The following CDH18 variants were observed in gnomAD, a reference collection of about 807,000 sequenced individuals.
CDH18 encodes cadherin-18.
In CDH18, 31 loss-of-function variants were observed where a neutral mutation model predicts 67.9. The observed-to-expected ratio is 0.46, with a 90% CI of 0.34 to 0.62. The LOEUF (loss-of-function observed/expected upper bound fraction) is 0.62. Ranked by LOEUF, CDH18 falls within the 20% of genes least tolerant of loss-of-function variation. The probability of loss-of-function intolerance (pLI) is 0.01; values close to 1 mark genes in which losing one functional copy is unlikely to be tolerated. For synonymous variants in CDH18, 362 were observed against 347.2 expected, an observed-to-expected ratio of 1.04 and a Z score of -0.48; for missense variants, 890 against 975.5, an observed-to-expected ratio of 0.91 and a Z score of 1.17.
At chr5:19,518,978 T>A (rs942296254) in intron 10 of CDH18, among the ~76,000 whole-genome samples, 25 of 152,330 alleles carry the variant, frequency 1.6e-4, no homozygotes, top group African/African-American at 6.0e-4. Context: ...TTCAGGCAAT[T>A]ACAAGACAGC....
chr5:19,612,066 G>A (rs939487911), intron 6 of CDH18, among the ~76,000 whole-genome samples: 1 of 150,766 alleles, frequency 6.6e-6, no homozygotes, highest in Non-Finnish European at 1.5e-5. Context: ...AGAATGTATG[G>A]AATAATGTTG....
intron 5 of CDH18, among the ~76,000 whole-genome samples, chr5:19,652,130 T>C (rs1264309156): frequency 6.6e-6 from 1 of 151,998 alleles, no homozygotes; most frequent in Non-Finnish European, 1.5e-5. Flanking sequence ...CTTAAATTTT[T>C]TTCTTTTTAA....
chr5:19,966,139 G>T (rs1400038354), intron 2 of CDH18, among the ~76,000 whole-genome samples: 1 of 152,086 alleles, frequency 6.6e-6, no homozygotes, highest in Non-Finnish European at 1.5e-5. Flanking sequence ...TGAAAGAAAG[G>T]CAACAGAAAG....
intron 2 of CDH18, among the ~76,000 whole-genome samples, chr5:19,998,930 C>G (rs776643664): frequency 1.3e-5 from 2 of 151,608 alleles, no homozygotes; most frequent in Non-Finnish European, 2.9e-5. Flanking sequence ...GAAAAAAATA[C>G]AGAACAAGGT....
intron 9 of CDH18, among the ~76,000 whole-genome samples, chr5:19,523,829 G>A (rs1193431902): frequency 6.6e-6 from 1 of 151,926 alleles, no homozygotes; most frequent in Non-Finnish European, 1.5e-5. Context: ...ACAATTAATG[G>A]CAACAACGAC....
intron 5 of CDH18, among the ~76,000 whole-genome samples, chr5:19,617,939 T>A (rs1296561013): frequency 6.6e-6 from 1 of 152,170 alleles, no homozygotes; most frequent in African/African-American, 2.4e-5. Context: ...ACTAATAATA[T>A]TCATATAGCA....
intron 2 of CDH18, among the ~76,000 whole-genome samples, chr5:20,035,663 T>C (rs1456973459): frequency 6.6e-6 from 1 of 151,994 alleles, no homozygotes; most frequent in Non-Finnish European, 1.5e-5. Context: ...TCCCACTGGG[T>C]CCATCCCTTG....
intron 1 of CDH18, among the ~76,000 whole-genome samples, chr5:20,517,404 G>T (rs1755444739): frequency 6.6e-6 from 1 of 151,456 alleles, no homozygotes; most frequent in African/African-American, 2.4e-5. Context: ...GAATAAATGT[G>T]AATAATAAAC....
At chr5:20,187,814 G>A (rs1397560277) in intron 2 of CDH18, among the ~76,000 whole-genome samples, 2 of 151,584 alleles carry the variant, frequency 1.3e-5, no homozygotes, top group African/African-American at 4.8e-5. Flanking sequence ...GAATGTATCT[G>A]CACATATTAG....
At chr5:19,590,052 G>T (rs1294409077) in intron 7 of CDH18, among the ~76,000 whole-genome samples, 1 of 152,082 alleles carries the variant, frequency 6.6e-6, no homozygotes, top group African/African-American at 2.4e-5. Context: ...CCATAGATTA[G>T]AAGCTGTGTG....
intron 2 of CDH18, among the ~76,000 whole-genome samples, chr5:20,172,990 C>CA (rs11303081): frequency 2.1e-3 from 299 of 139,882 alleles, no homozygotes; most frequent in South Asian, 5.7e-3. Context: ...AACTCCGTCT[C>CA]AAAAAAAAAA....
At chr5:20,510,007 C>T (rs1304141557) in intron 1 of CDH18, among the ~76,000 whole-genome samples, 1 of 152,154 alleles carries the variant, frequency 6.6e-6, no homozygotes, top group Admixed American at 6.6e-5. Flanking sequence ...ATCATTCCCA[C>T]TGTCAGTGTA....
chr5:19,577,228 A>G (rs1044711920), intron 7 of CDH18, among the ~76,000 whole-genome samples: 1 of 152,212 alleles, frequency 6.6e-6, no homozygotes, highest in African/African-American at 2.4e-5. Context: ...CAAAATATCT[A>G]AAAGAGAGAA....
At chr5:20,503,591 AG>A (rs1294482797) in intron 1 of CDH18, among the ~76,000 whole-genome samples, 1 of 152,194 alleles carries the variant, frequency 6.6e-6, no homozygotes, top group Non-Finnish European at 1.5e-5. Context: ...GAGGTTCCCA[AG>A]AGTGGGGCAA....
At position 19,612,425 on chromosome 5, in the gene CDH18, A is replaced by G. The variant is rs1280928496; in HGVS notation, c.811+9T>C. 6.2e-7 allele frequency: 1 copy of G among 1,613,342 alleles called. No homozygotes were observed. Among genetic ancestry groups the G allele is most frequent in the Non-Finnish European group, 8.5e-7 (1 of 1,179,420 alleles). On this transcript the variant is annotated intron_variant, in intron 6 of 12. Transcript: ENST00000382275. ...TGATAAATTCAAATCATGGAAAACA[A>G]ATACGTACTTTGAGGAAAGCGTGGT...
intron 2 of CDH18, among the ~76,000 whole-genome samples, chr5:20,172,195 T>TATATATAC (rs1736785577): frequency 2.1e-5 from 1 of 46,890 alleles, no homozygotes; most frequent in Non-Finnish European, 3.9e-5. Flanking sequence ...TGTGTGTATA[T>TATATATAC]ATATATATAT....
rs796697683 is a variant in CDH18, at chr5:19,994,851, T to TAGAGAGAGAGAGAGAGAG, written c.-517-2838_-517-2837insCTCTCTCTCTCTCTCTCT. ...GAGAATATATATATATATATATATA[T>TAGAGAGAGAGAGAGAGAG]ATATAGAGAGAGAGAGAGAGAGAGA... On this transcript the variant is annotated intron_variant, in intron 2 of 14. Transcript: ENST00000507958. Among the ~76,000 whole-genome samples the TAGAGAGAGAGAGAGAGAG allele has an allele frequency of 1.8e-4, 7 of 39,200 alleles. 1 individual carries two copies. Among genetic ancestry groups the TAGAGAGAGAGAGAGAGAG allele is most frequent in the African/African-American group, 8.6e-4 (7 of 8,114 alleles). 25.7% of individuals were successfully genotyped at this position (39,200 alleles called of 152,430 possible). A position where few individuals can be genotyped will look rare whatever the true frequency, so the allele number is the denominator to read the frequency against.
chr5:20,067,015 A>G (rs1381220673), intron 2 of CDH18, among the ~76,000 whole-genome samples: 1 of 151,952 alleles, frequency 6.6e-6, no homozygotes, highest in Non-Finnish European at 1.5e-5. Flanking sequence ...TATTGGAAAA[A>G]AAAACAACAG....
intron 5 of CDH18, among the ~76,000 whole-genome samples, chr5:19,616,990 A>C (rs1283616317): frequency 6.6e-6 from 1 of 152,126 alleles, no homozygotes; most frequent in Non-Finnish European, 1.5e-5. Flanking sequence ...GCCTAACTAC[A>C]TTCCAAAGGC....
Sources: allele counts gnomAD v4.1 joint callset (sites outside exome capture counted in the v4.1 genomes callset), GRCh38; gene constraint gnomAD v4.1.1; transcripts MANE v1.5; gene names NCBI Gene and HGNC (gene_info 2026-07-23, HGNC 2026-07-21).